Variants in RGS6 observed in about 807,000 individuals in gnomAD.
RGS6 encodes regulator of G protein signaling 6.
Under a neutral mutation model 78.5 loss-of-function variants are expected in RGS6, and 30 were observed. That is an observed-to-expected ratio of 0.38 (90% CI 0.29 to 0.52). RGS6 has a LOEUF of 0.52. Ranked by LOEUF, RGS6 falls within the 20% of genes least tolerant of loss-of-function variation. The pLI is 0.85. For synonymous variants in RGS6, 206 were observed against 206.0 expected (o/e 1.00, Z 0.00); for missense variants, 495 against 609.7 (o/e 0.81, Z 1.98).
At chr14:72,317,856 T>G (rs1265888627) in intron 2 of RGS6, among the ~76,000 whole-genome samples, 2 of 152,234 alleles carry the variant, frequency 1.3e-5, no homozygotes, top group African/African-American at 2.4e-5. Flanking sequence ...TTAAGTAGTA[T>G]TAACTTACAC....
rs190419265 is a variant in RGS6, at chr14:72,280,842, T to C, written c.85-71253T>C. On this transcript the variant is annotated intron_variant, in intron 2 of 17. Transcript: ENST00000553525. ...AGTCCAGGTCTTATATGACTCCATA[T>C]GCCCAGCACTCTTCAAACGGCCAAA... 2.3e-4 allele frequency among the ~76,000 whole-genome samples: 35 copies of C among 152,342 alleles called. 1 individual carries two copies. In the East Asian group the frequency reaches 6.8e-3, roughly 29 times the overall value.
At chr14:72,073,096 C>T (rs543950616) in intron 2 of RGS6, among the ~76,000 whole-genome samples, 1 of 152,226 alleles carries the variant, frequency 6.6e-6, no homozygotes, top group African/African-American at 2.4e-5. Flanking sequence ...CTGCCACTCA[C>T]TAGATGTGTG....
the RGS6 span, among the ~76,000 whole-genome samples, chr14:72,604,388 C>T: frequency 6.6e-6 from 1 of 152,196 alleles, no homozygotes; most frequent in African/African-American, 2.4e-5. Flanking sequence ...CTCCAATGCA[C>T]CTCCTCATGA....
the RGS6 span, among the ~76,000 whole-genome samples, chr14:71,900,374 A>G: frequency 6.6e-6 from 1 of 152,026 alleles, no homozygotes; most frequent in Non-Finnish European, 1.5e-5. Flanking sequence ...TTGAGATGCC[A>G]TTTTCCTGTT....
chr14:72,004,670 CA>C (rs1027072452), intron 2 of RGS6, among the ~76,000 whole-genome samples: 1 of 151,924 alleles, frequency 6.6e-6, no homozygotes, highest in Admixed American at 6.6e-5. Context: ...CCTGTCTCTA[CA>C]AAAATTAGCC....
At chr14:72,172,722 T>C (rs2097042087) in intron 2 of RGS6, among the ~76,000 whole-genome samples, 1 of 152,166 alleles carries the variant, frequency 6.6e-6, no homozygotes, top group South Asian at 2.1e-4. Context: ...TTTTATTGAG[T>C]GCCAATTGTG....
intron 2 of RGS6, among the ~76,000 whole-genome samples, chr14:72,263,739 C>T (rs973925163): frequency 1.3e-5 from 2 of 152,128 alleles, no homozygotes; most frequent in African/African-American, 4.8e-5. Flanking sequence ...CACCAGACAC[C>T]AAATCTGCCA....
intron 2 of RGS6, among the ~76,000 whole-genome samples, chr14:72,059,678 A>T (rs2093796153): frequency 6.6e-6 from 1 of 152,036 alleles, no homozygotes; most frequent in Non-Finnish European, 1.5e-5. Flanking sequence ...GTATTTGGAG[A>T]TGAGGCATTT....
the RGS6 span, among the ~76,000 whole-genome samples, chr14:72,611,811 G>A: frequency 6.6e-6 from 1 of 152,066 alleles, no homozygotes; most frequent in African/African-American, 2.4e-5. Flanking sequence ...GCCTCCACAG[G>A]GTAGAAATCA....
intron 17 of RGS6, among the ~76,000 whole-genome samples, chr14:72,555,421 A>G (rs969254727): frequency 2.0e-5 from 3 of 152,186 alleles, no homozygotes; most frequent in African/African-American, 7.2e-5. Flanking sequence ...TCCAAATGGG[A>G]TGAGGGGAAG....
chr14:72,293,329 A>G (rs1177568435), intron 2 of RGS6, among the ~76,000 whole-genome samples: 1 of 152,236 alleles, frequency 6.6e-6, no homozygotes, highest in Non-Finnish European at 1.5e-5. Context: ...CAGCACAGAA[A>G]AATAGTAAAG....
intron 1 of RGS6, among the ~76,000 whole-genome samples, chr14:71,948,740 C>T (rs10138821): frequency 0.56 from 37,142 of 65,806 alleles, 12,747 homozygotes; most frequent in African/African-American, 0.69. Context: ...CTCTCTCTCT[C>T]TTTTTTTTTT....
chr14:72,212,282 A>C (rs530355631), intron 2 of RGS6, among the ~76,000 whole-genome samples: 14 of 152,306 alleles, frequency 9.2e-5, no homozygotes, highest in African/African-American at 3.4e-4. Flanking sequence ...TAATTATGCT[A>C]AATACTCATG....
At chr14:72,018,878 T>C (rs1412635828) in intron 2 of RGS6, among the ~76,000 whole-genome samples, 1 of 152,228 alleles carries the variant, frequency 6.6e-6, no homozygotes, top group Non-Finnish European at 1.5e-5. Context: ...TAATTTCTTC[T>C]TTCTTATTGC....
chr14:72,588,531 TG>T, the RGS6 span, among the ~76,000 whole-genome samples: 2 of 152,204 alleles, frequency 1.3e-5, no homozygotes, highest in South Asian at 2.1e-4. Context: ...CCCATGGACC[TG>T]GGGCATTTAT....
intron 3 of RGS6, among the ~76,000 whole-genome samples, chr14:72,371,742 CAA>C (rs1416069495): frequency 2.0e-5 from 3 of 152,178 alleles, no homozygotes; most frequent in Admixed American, 6.5e-5. Context: ...GCCTGGGCAA[CAA>C]GAGTGAAACT....
chr14:72,318,125 C>T (rs1180325835), intron 2 of RGS6, among the ~76,000 whole-genome samples: 1 of 152,168 alleles, frequency 6.6e-6, no homozygotes, highest in African/African-American at 2.4e-5. Context: ...GGCTCCCTCA[C>T]CCCTCACCAC....
chr14:72,218,762 C>G (rs1187631006), intron 2 of RGS6, among the ~76,000 whole-genome samples: 8 of 152,048 alleles, frequency 5.3e-5, no homozygotes, highest in Non-Finnish European at 8.8e-5. Flanking sequence ...CAGGTGCACA[C>G]CACCATGCCC....
At chr14:72,324,149 T>C (rs1208974146) in intron 2 of RGS6, among the ~76,000 whole-genome samples, 6 of 152,116 alleles carry the variant, frequency 3.9e-5, no homozygotes. Context: ...TATATCTCTA[T>C]ATCCTAACAA....
Sources: gnomAD v4.1 joint callset for allele counts (sites outside exome capture counted in the v4.1 genomes callset) on GRCh38, gnomAD v4.1.1 for gene constraint, MANE v1.5 for transcripts, NCBI Gene and HGNC (gene_info 2026-07-23, HGNC 2026-07-21) for gene names.